Variants in HS6ST2 observed in about 807,000 individuals in gnomAD.
The protein encoded by HS6ST2 is heparan sulfate 6-O-sulfotransferase 2.
A neutral mutation model predicts 33.0 loss-of-function variants in HS6ST2; 17 were observed. The ratio of observed to expected loss-of-function variants is 0.52; its 90% CI spans 0.35 to 0.77. The LOEUF is 0.77. Ranked by LOEUF, HS6ST2 falls within the 30% of genes least tolerant of loss-of-function variation. The probability of loss-of-function intolerance (pLI) is 0.01; values close to 1 mark genes in which losing one functional copy is unlikely to be tolerated. For missense variants in HS6ST2, 519 were observed against 551.7 expected (o/e 0.94, Z 0.59); for synonymous variants, 248 against 237.1 (o/e 1.05, Z -0.42).
At chrX:132,747,028 T>C (rs979313522) in intron 2 of HS6ST2, among the ~76,000 whole-genome samples, 1 of 112,445 alleles carries the variant, frequency 8.9e-6, no homozygotes, top group Non-Finnish European at 1.9e-5. Context: ...TACTTTGGGC[T>C]GGACCCCGTG....
Position 132,956,916 on chromosome X carries a change from C to T in HS6ST2, c.839G>A (p.Arg280Lys). 1 of 1,200,643 alleles carries T rather than the reference C, an allele frequency of 8.3e-7. No homozygotes were observed. Among genetic ancestry groups the T allele is most frequent in the Non-Finnish European group, 1.1e-6 (1 of 889,851 alleles). Residue 280 changes from arginine to lysine, a missense_variant, in exon 2 of 5, where the codon AGG (arginine) becomes AAG (lysine). Coordinates refer to ENST00000370833, the MANE Select transcript of HS6ST2 (RefSeq NM_001394073.1). ...CCCGCAGCTCCAGCCCGTGGAGAACCTGGAGAAGAGCCAGGTTTCCCGCTT... is the reference window on the plus strand; with the variant it reads ...CCCGCAGCTCCAGCCCGTGGAGAACTTGGAGAAGAGCCAGGTTTCCCGCTT... The part of the protein sequence containing the change: ...PGKRETWLFS[R>K]FSTGWSCGLH...
chrX:132,912,959 C>T (rs891730025), intron 2 of HS6ST2, among the ~76,000 whole-genome samples: 3 of 111,284 alleles, frequency 2.7e-5, no homozygotes, highest in Middle Eastern at 4.6e-3. Flanking sequence ...TTTATACTGT[C>T]GTGCCCACCT....
intron 3 of HS6ST2, among the ~76,000 whole-genome samples, chrX:132,682,259 G>A (rs1052897567): frequency 1.8e-5 from 2 of 112,180 alleles, no homozygotes; most frequent in Non-Finnish European, 1.9e-5. Flanking sequence ...ACATTTTACA[G>A]AATGATTCTA....
intron 3 of HS6ST2, chrX:132,669,435 C>G (rs1249457117): frequency 3.6e-6 from 1 of 277,336 alleles, no homozygotes; most frequent in Non-Finnish European, 6.3e-6. Context: ...ATCCTTTTGG[C>G]ATTCAAAGCT....
At chrX:132,780,931 A>C (rs963474260) in intron 2 of HS6ST2, among the ~76,000 whole-genome samples, 1 of 111,495 alleles carries the variant, frequency 9.0e-6, no homozygotes, top group African/African-American at 3.3e-5. Flanking sequence ...TTCTGTGCCA[A>C]GATGTTATTA....
intron 2 of HS6ST2, among the ~76,000 whole-genome samples, chrX:132,727,265 A>G (rs1212707152): frequency 9.2e-6 from 1 of 108,161 alleles, no homozygotes; most frequent in Non-Finnish European, 1.9e-5. Context: ...ATGAATAAAG[A>G]GGAGTCACAA....
At position 132,957,274 on chromosome X, in the gene HS6ST2, G is replaced by A. The variant is rs1201808204; in HGVS notation, c.481C>T (p.Leu161Phe). 8.5e-7 allele frequency: 1 copy of A among 1,178,073 alleles called. No individual in the cohort carries two copies. Among genetic ancestry groups the A allele is most frequent in the Non-Finnish European group, 1.1e-6 (1 of 878,346 alleles). The change falls in exon 2 of 5, where the codon CTC becomes TTC. Residue 161 changes from leucine (L) to phenylalanine (F), a missense_variant. Transcript: ENST00000370833. ...AGGACGATCACGGCAAATAGGAAGA[G>A]CATCACCAAAGCTAGCAGCAGCTTG... ...SNKLLLALVM[L>F]FLFAVIVLQY... is the part of the protein sequence containing the mutation.
chrX:132,674,089 A>G (rs1446943667), intron 3 of HS6ST2, among the ~76,000 whole-genome samples: 1 of 111,529 alleles, frequency 9.0e-6, no homozygotes, highest in African/African-American at 3.3e-5. Context: ...TACGCTCATT[A>G]TCTATATTTC....
chrX:132,738,335 C>G (rs1335795370), intron 2 of HS6ST2, among the ~76,000 whole-genome samples: 1 of 112,378 alleles, frequency 8.9e-6, no homozygotes, highest in Admixed American at 9.4e-5. Flanking sequence ...TGTCTTCCTG[C>G]CTGTTGCTTT....
At chrX:132,918,335 T>A (rs897601071) in intron 2 of HS6ST2, among the ~76,000 whole-genome samples, 1 of 112,077 alleles carries the variant, frequency 8.9e-6, no homozygotes, top group Non-Finnish European at 1.9e-5. Context: ...TCCCAAACTG[T>A]CCCTTCTGGA....
chrX:132,957,492 G>GCTTC (rs1191195635), intron 1 of HS6ST2, among the ~76,000 whole-genome samples, 166 bp from the exon 2 acceptor site: 1 of 107,214 alleles, frequency 9.3e-6, no homozygotes, highest in African/African-American at 3.4e-5. Flanking sequence ...TCCCTTCCCC[G>GCTTC]CTTCCTTCCT....
At chrX:132,954,898 T>C (rs1227738912) in intron 2 of HS6ST2, among the ~76,000 whole-genome samples, 6 of 111,964 alleles carry the variant, frequency 5.4e-5, no homozygotes, top group African/African-American at 1.3e-4. Flanking sequence ...GGAAGGAATC[T>C]GCCAGAGGAC....
chrX:132,826,038 C>A (rs1002628847), intron 2 of HS6ST2, among the ~76,000 whole-genome samples: 67 of 112,470 alleles, frequency 6.0e-4, no homozygotes, highest in African/African-American at 2.1e-3. Context: ...AACTCACAGT[C>A]CTAAGCTGCC....
chrX:132,953,075 T>C (rs937158300), intron 2 of HS6ST2, among the ~76,000 whole-genome samples: 1 of 111,557 alleles, frequency 9.0e-6, no homozygotes, highest in African/African-American at 3.3e-5. Flanking sequence ...GCTATTTCTT[T>C]GGGCCCAGTT....
At chrX:132,904,402 G>A (rs970893941) in intron 2 of HS6ST2, among the ~76,000 whole-genome samples, 2 of 111,409 alleles carry the variant, frequency 1.8e-5, no homozygotes, top group Non-Finnish European at 3.8e-5. Context: ...CTCATTTTGC[G>A]TCTCATAGTG....
At chrX:132,703,817 C>G (rs2064165024) in intron 3 of HS6ST2, among the ~76,000 whole-genome samples, 1 of 111,807 alleles carries the variant, frequency 8.9e-6, no homozygotes, top group Non-Finnish European at 1.9e-5. Flanking sequence ...GTCTTATTTC[C>G]CTTAAGTTCC....
intron 4 of HS6ST2, among the ~76,000 whole-genome samples, chrX:132,664,570 C>T (rs757606610): frequency 9.0e-6 from 1 of 111,621 alleles, no homozygotes; most frequent in South Asian, 3.8e-4. Flanking sequence ...CCCTTCTGTA[C>T]ACCTTCTTTT....
At chrX:132,828,693 TACACACAC>T (rs779585327) in intron 2 of HS6ST2, among the ~76,000 whole-genome samples, 3,456 of 72,768 alleles carry the variant, frequency 0.047, 139 homozygotes, top group Non-Finnish European at 0.054. Context: ...TATATATATA[TACACACAC>T]ACACACACAC....
At chrX:132,901,606 C>A (rs1488090323) in intron 2 of HS6ST2, among the ~76,000 whole-genome samples, 1 of 111,349 alleles carries the variant, frequency 9.0e-6, no homozygotes, top group East Asian at 2.8e-4. Context: ...CAGTACTGGG[C>A]AGGAACTCAG....
Sources: gnomAD v4.1 joint callset for allele counts (sites outside exome capture counted in the v4.1 genomes callset) on GRCh38, gnomAD v4.1.1 for gene constraint, MANE v1.5 for transcripts, NCBI Gene and HGNC (gene_info 2026-07-23, HGNC 2026-07-21) for gene names.